Variants in CCSER1 observed in about 807,000 individuals in gnomAD.
CCSER1 encodes the protein coiled-coil serine rich protein 1.
In CCSER1, 41 loss-of-function variants were observed where a neutral mutation model predicts 82.0. That is an observed-to-expected ratio of 0.50 (90% CI 0.39 to 0.65). The LOEUF (loss-of-function observed/expected upper bound fraction) is 0.65. CCSER1 is among the 30% of genes least tolerant of loss of function. The probability of loss-of-function intolerance (pLI) is 0.00; values close to 1 mark genes in which losing one functional copy is unlikely to be tolerated. For synonymous variants in CCSER1, 414 were observed against 383.9 expected, an observed-to-expected ratio of 1.08 and a Z score of -0.92; for missense variants, 1,119 against 1,064.2, an observed-to-expected ratio of 1.05 and a Z score of -0.72.
chr4:91,078,117 G>T (rs565306628), intron 9 of CCSER1, among the ~76,000 whole-genome samples: 1 of 152,172 alleles, frequency 6.6e-6, no homozygotes, highest in Non-Finnish European at 1.5e-5. Flanking sequence ...ACAGAGTTTG[G>T]GATCTGAGAA....
intron 6 of CCSER1, among the ~76,000 whole-genome samples, chr4:90,629,941 G>T (rs555167569): frequency 1.3e-4 from 20 of 152,138 alleles, no homozygotes; most frequent in African/African-American, 4.6e-4. Flanking sequence ...GAATCACATG[G>T]TGGAAGTACT....
intron 10 of CCSER1, among the ~76,000 whole-genome samples, chr4:91,401,461 C>T (rs940434627): frequency 3.3e-5 from 5 of 151,310 alleles, no homozygotes; most frequent in African/African-American, 4.9e-5. Flanking sequence ...AGGTTTGTTA[C>T]ATATGTATAC....
At chr4:90,874,951 C>T (rs534019265) in intron 8 of CCSER1, among the ~76,000 whole-genome samples, 11 of 152,100 alleles carry the variant, frequency 7.2e-5, no homozygotes, top group Non-Finnish European at 1.3e-4. Context: ...AAGGCTGCGG[C>T]AGGAGAATCA....
intron 6 of CCSER1, among the ~76,000 whole-genome samples, chr4:90,648,206 C>T (rs546734473): frequency 6.7e-6 from 1 of 148,910 alleles, no homozygotes; most frequent in South Asian, 2.1e-4. Flanking sequence ...GTATGTCAGT[C>T]TCTGAGTCTA....
At chr4:90,777,437 C>T (rs928061111) in intron 7 of CCSER1, among the ~76,000 whole-genome samples, 2 of 150,896 alleles carry the variant, frequency 1.3e-5, no homozygotes, top group African/African-American at 4.9e-5. Context: ...TATTTTCCTC[C>T]TTGACTTAGT....
intron 10 of CCSER1, among the ~76,000 whole-genome samples, chr4:91,462,647 G>A (rs916834588): frequency 6.6e-6 from 1 of 152,162 alleles, no homozygotes; most frequent in Non-Finnish European, 1.5e-5. Context: ...GGAAAATTGG[G>A]TCACTCCCAC....
intron 5 of CCSER1, among the ~76,000 whole-genome samples, chr4:90,591,960 C>T (rs1444300237): frequency 6.6e-6 from 1 of 152,110 alleles, no homozygotes; most frequent in Non-Finnish European, 1.5e-5. Flanking sequence ...CACATGTTCT[C>T]ACTCATAAGT....
chr4:90,899,800 A>G (rs1194807310), intron 8 of CCSER1, among the ~76,000 whole-genome samples: 1 of 152,044 alleles, frequency 6.6e-6, no homozygotes, highest in Non-Finnish European at 1.5e-5. Context: ...AACAAAATTC[A>G]CTTGATTGTT....
intron 5 of CCSER1, among the ~76,000 whole-genome samples, chr4:90,509,673 A>G (rs1771204867): frequency 6.6e-6 from 1 of 152,046 alleles, no homozygotes. Flanking sequence ...GAACGTTATT[A>G]TCACAATTAT....
intron 1 of CCSER1, among the ~76,000 whole-genome samples, chr4:90,241,120 A>G (rs938456876): frequency 1.3e-5 from 2 of 152,252 alleles, no homozygotes; most frequent in Non-Finnish European, 2.9e-5. Flanking sequence ...TATTGATGAT[A>G]GGGCACTAAG....
At chr4:91,319,324 C>G (rs1746036217) in intron 10 of CCSER1, among the ~76,000 whole-genome samples, 1 of 151,986 alleles carries the variant, frequency 6.6e-6, no homozygotes, top group Admixed American at 6.6e-5. Context: ...CTTCTAGTAG[C>G]AGGATGTACT....
chr4:91,403,883 A>T (rs975073961), intron 10 of CCSER1, among the ~76,000 whole-genome samples: 1 of 152,054 alleles, frequency 6.6e-6, no homozygotes, highest in Non-Finnish European at 1.5e-5. Context: ...TCTGCCAGAC[A>T]TTGATACCAG....
chr4:91,276,842 T>G (rs1193441806), intron 10 of CCSER1, among the ~76,000 whole-genome samples: 1 of 152,110 alleles, frequency 6.6e-6, no homozygotes, highest in African/African-American at 2.4e-5. Flanking sequence ...ATAAGGCAGT[T>G]TTTTTGAGTT....
intron 1 of CCSER1, among the ~76,000 whole-genome samples, chr4:90,213,901 C>T (rs967675787): frequency 3.9e-5 from 6 of 151,900 alleles, no homozygotes; most frequent in Non-Finnish European, 8.8e-5. Context: ...GAAGTAGAGA[C>T]AGAAAGGATG....
In CCSER1 at chr4:90,729,148, A is replaced by T. The variant is rs116653153; in HGVS notation, c.2010+5157A>T. The stretch of plus-strand genomic sequence containing the variant: ...TCATTAGGTTCTTATAAGGTTAAAC[A>T]AGTTAATAAATGAAAAGTGTCTACA... On this transcript the variant is annotated intron_variant, in intron 7 of 10. Coordinates refer to ENST00000509176, the MANE Select transcript of CCSER1 (RefSeq NM_001145065.2). 4.2e-3 allele frequency among the ~76,000 whole-genome samples: 642 copies of T among 152,280 alleles called. 6 individuals carry two copies. Among genetic ancestry groups the T allele is most frequent in the African/African-American group, 0.015 (626 of 41,552 alleles).
At chr4:90,654,333 CA>C (rs1185931482) in intron 6 of CCSER1, among the ~76,000 whole-genome samples, 1 of 151,640 alleles carries the variant, frequency 6.6e-6, no homozygotes, top group African/African-American at 2.4e-5. Context: ...AGCTGTATTA[CA>C]AAAAAAGGAA....
At position 91,130,691 on chromosome 4, in the gene CCSER1, T is replaced by TGACTAAGTA. The variant is rs1214410446; in HGVS notation, c.2217+44698_2217+44706dup. On this transcript the variant is annotated intron_variant, in intron 10 of 10. Coordinates refer to ENST00000509176, the MANE Select transcript of CCSER1 (RefSeq NM_001145065.2). Reference sequence around the variant, plus strand: ...TCCTTTTAAGGGCTTGTGTGGTTTATGACTAAGTATCTGATTTTTTTTAAA... The same window carrying TGACTAAGTA: ...TCCTTTTAAGGGCTTGTGTGGTTTATGACTAAGTAGACTAAGTATCTGATTTTTTTTAAA... Among the ~76,000 whole-genome samples, 5 of 151,924 alleles carry TGACTAAGTA rather than the reference T, an allele frequency of 3.3e-5. No individual in the cohort carries two copies. The East Asian group carries it at 9.6e-4, about 29-fold the overall frequency.
chr4:90,772,581 T>C (rs762868829), intron 7 of CCSER1, among the ~76,000 whole-genome samples: 11 of 152,174 alleles, frequency 7.2e-5, no homozygotes, highest in Non-Finnish European at 1.3e-4. Flanking sequence ...ACTCCTTTCA[T>C]ACTTGGAAAT....
At chr4:91,104,523 G>T (rs2148858421) in intron 10 of CCSER1, among the ~76,000 whole-genome samples, 1 of 152,268 alleles carries the variant, frequency 6.6e-6, no homozygotes, top group East Asian at 1.9e-4. Context: ...TTGGGGGTGG[G>T]TTCCCCCAGT....
Sources: allele counts gnomAD v4.1 joint callset (sites outside exome capture counted in the v4.1 genomes callset), GRCh38; gene constraint gnomAD v4.1.1; transcripts MANE v1.5; gene names NCBI Gene and HGNC (gene_info 2026-07-23, HGNC 2026-07-21).